CNTNAP3B: variants seen among roughly 807,000 people sequenced by gnomAD.
The protein encoded by CNTNAP3B is contactin associated protein family member 3B.
CNTNAP3B carries 25 observed loss-of-function variants against 108.9 expected under a neutral mutation model. The ratio of observed to expected loss-of-function variants is 0.23; its 90% CI spans 0.17 to 0.32. The LOEUF is 0.32. Among genes scored for constraint, CNTNAP3B ranks in the 10% least tolerant of loss-of-function variants. The probability of loss-of-function intolerance (pLI) is 1.00; values close to 1 mark genes in which losing one functional copy is unlikely to be tolerated. For missense variants in CNTNAP3B, 252 were observed against 1,210.4 expected, an observed-to-expected ratio of 0.21 and a Z score of 11.75; for synonymous variants, 103 against 473.4, an observed-to-expected ratio of 0.22 and a Z score of 10.16.
At chr9:42,033,915 T>C (rs1048916468) in intron 3 of CNTNAP3B, among the ~76,000 whole-genome samples, 3 of 74,006 alleles carry the variant, frequency 4.1e-5, no homozygotes, top group Admixed American at 1.5e-4. Flanking sequence ...AAAATACCAA[T>C]ATACAATGAT....
In CNTNAP3B at chr9:42,047,398, C is replaced by A. The variant is rs867774704; in HGVS notation, c.390+29471G>T. Among the ~76,000 whole-genome samples the A allele has an allele frequency of 6.6e-4, 87 of 132,428 alleles. 14 individuals carry two copies. The highest frequency in any genetic ancestry group is 2.4e-3 in the African/African-American group (79 of 32,820). 86.9% of individuals were successfully genotyped at this position (132,428 alleles called of 152,430 possible). On this transcript the variant is annotated intron_variant, in intron 3 of 23. Coordinates refer to ENST00000377561, the MANE Select transcript of CNTNAP3B (RefSeq NM_001201380.3). ...AAAGCTAAAATCAGGAGGAAAAAAG[C>A]AGAAAGCAAAACCAAAGCAAATTCA...
At chr9:42,056,012 C>A in intron 3 of CNTNAP3B, among the ~76,000 whole-genome samples, 1 of 112,312 alleles carries the variant, frequency 8.9e-6, no homozygotes, top group Non-Finnish European at 1.8e-5. Flanking sequence ...CACAAAGAAT[C>A]ATGTTTGGTG....
chr9:42,107,911 G>A (rs1211272147), intron 1 of CNTNAP3B, among the ~76,000 whole-genome samples: 2 of 126,770 alleles, frequency 1.6e-5, no homozygotes, highest in Non-Finnish European at 3.3e-5. Flanking sequence ...GGAGGAGGAG[G>A]TTGCAGTGAG....
chr9:42,088,883 C>G (rs553768111), intron 2 of CNTNAP3B, among the ~76,000 whole-genome samples: 1 of 139,788 alleles, frequency 7.2e-6, no homozygotes, highest in Non-Finnish European at 1.5e-5. Context: ...AGCTTCTGAC[C>G]TATAAACTAA....
At chr9:42,037,188 G>A (rs1013609758) in intron 3 of CNTNAP3B, among the ~76,000 whole-genome samples, 9 of 148,332 alleles carry the variant, frequency 6.1e-5, no homozygotes, top group South Asian at 2.1e-4. Context: ...GGAACAAAGC[G>A]GGACGGAGAA....
At chr9:42,082,994 G>T (rs1279073838) in intron 2 of CNTNAP3B, among the ~76,000 whole-genome samples, 1 of 138,834 alleles carries the variant, frequency 7.2e-6, no homozygotes, top group East Asian at 2.2e-4. Flanking sequence ...GTAAACACAT[G>T]GAAAAATATA....
intron 18 of CNTNAP3B, among the ~76,000 whole-genome samples, chr9:41,918,012 A>G (rs1479758733): frequency 6.6e-6 from 1 of 152,308 alleles, no homozygotes; most frequent in Non-Finnish European, 1.5e-5. Context: ...TTTCCTTAGG[A>G]CATTTTCTAA....
intron 13 of CNTNAP3B, among the ~76,000 whole-genome samples, chr9:41,941,328 A>T (rs1279213778): frequency 1.4e-5 from 2 of 144,476 alleles, no homozygotes; most frequent in Non-Finnish European, 3.0e-5. Flanking sequence ...CAAAATAAAC[A>T]TAGGCAGGTT....
At chr9:42,024,810 T>C (rs1461474887) in intron 3 of CNTNAP3B, among the ~76,000 whole-genome samples, 3 of 145,436 alleles carry the variant, frequency 2.1e-5, no homozygotes, top group South Asian at 2.2e-4. Flanking sequence ...TTGCCAATTA[T>C]TTCTCATCCA....
chr9:41,997,799 C>T, intron 5 of CNTNAP3B, 47 bp from the exon 6 acceptor site: 1 of 1,442,484 alleles, frequency 6.9e-7, no homozygotes, highest in Non-Finnish European at 9.3e-7. Flanking sequence ...AAAATCACGG[C>T]TTCCCTTTTT....
chr9:42,099,529 T>C (rs1827981801), intron 2 of CNTNAP3B, among the ~76,000 whole-genome samples: 1 of 119,282 alleles, frequency 8.4e-6, no homozygotes, highest in Admixed American at 8.6e-5. Flanking sequence ...TTTCCAAGTA[T>C]TTAAAATCCC....
chr9:41,976,881 T>C (rs1052357301), intron 9 of CNTNAP3B, among the ~76,000 whole-genome samples: 3 of 134,604 alleles, frequency 2.2e-5, no homozygotes, highest in African/African-American at 9.0e-5. Context: ...GATTGCTCCA[T>C]TGCACTCCAG....
intron 13 of CNTNAP3B, among the ~76,000 whole-genome samples, chr9:41,948,398 T>G (rs1356542703): frequency 1.3e-5 from 2 of 152,198 alleles, no homozygotes; most frequent in African/African-American, 4.8e-5. Context: ...TACTGGAGAA[T>G]TCTACCAAAT....
In CNTNAP3B at chr9:42,035,562, T is replaced by C. The variant is rs1826607102; in HGVS notation, c.391-22037A>G. On this transcript the variant is annotated intron_variant, in intron 3 of 23. Coordinates refer to ENST00000377561, the MANE Select transcript of CNTNAP3B (RefSeq NM_001201380.3). ...CTCAGTTTCCTCATCCATAAAATTA[T>C]GAAAATAGTATATATTTCAGAGTGA... is the stretch of plus-strand genomic sequence containing the variant. Among the ~76,000 whole-genome samples the C allele has an allele frequency of 2.0e-5, 3 of 147,778 alleles. 1 individual carries two copies. Among genetic ancestry groups the C allele is most frequent in the Non-Finnish European group, 4.5e-5 (3 of 66,932 alleles).
chr9:41,947,717 A>G lies in CNTNAP3B; in HGVS notation c.2080+5466T>C, dbSNP rs1332997211. ...TTCAATAGAATTTGAAACAAAAATA[A>G]TAGAGAAAATCAAGAAACGAAAATC... On this transcript the variant is annotated intron_variant, in intron 13 of 23. Transcript: ENST00000377561. Among the ~76,000 whole-genome samples, 146 of 152,110 alleles carry G rather than the reference A, an allele frequency of 9.6e-4. 2 individuals are homozygous for G. In the South Asian group the frequency reaches 0.012, roughly 13 times the overall value.
chr9:42,061,369 G>A lies in CNTNAP3B; in HGVS notation c.390+15500C>T, dbSNP rs544624735. The stretch of plus-strand genomic sequence containing the variant: ...AGTCTCGCTCTGTCACCAGGCTGCA[G>A]TGCAGTGGCACGAGCTTGGCTCACT... On this transcript the variant is annotated intron_variant, in intron 3 of 23. Transcript: ENST00000377561. Among the ~76,000 whole-genome samples, 94 of 127,218 alleles carry A rather than the reference G, an allele frequency of 7.4e-4. 5 individuals carry two copies. The highest frequency in any genetic ancestry group is 3.0e-3 in the African/African-American group (91 of 30,312). 83.5% of individuals were successfully genotyped at this position (127,218 alleles called of 152,430 possible).
chr9:41,938,440 C>T, intron 13 of CNTNAP3B, 40 bp from the exon 14 acceptor site: 1 of 1,609,696 alleles, frequency 6.2e-7, no homozygotes, highest in South Asian at 1.1e-5. Context: ...CTACTTTGTC[C>T]CTCACTATCA....
chr9:41,950,954 A>T (rs551072613), intron 13 of CNTNAP3B, among the ~76,000 whole-genome samples: 1 of 142,532 alleles, frequency 7.0e-6, no homozygotes, highest in Non-Finnish European at 1.5e-5. Flanking sequence ...ACGGGGTTTC[A>T]TCGTGTTAGC....
chr9:41,958,423 G>A (rs1190709881), intron 12 of CNTNAP3B, among the ~76,000 whole-genome samples: 2 of 152,060 alleles, frequency 1.3e-5, no homozygotes, highest in Admixed American at 1.3e-4. Context: ...TAGGATTATA[G>A]GTCCAGCTGA....
Sources: allele counts gnomAD v4.1 joint callset (sites outside exome capture counted in the v4.1 genomes callset), GRCh38; gene constraint gnomAD v4.1.1; transcripts MANE v1.5; gene names NCBI Gene and HGNC (gene_info 2026-07-23, HGNC 2026-07-21).